BAIAP2: variants seen among roughly 807,000 people sequenced by gnomAD.
The protein encoded by BAIAP2 is BAR/IMD domain containing adaptor protein 2.
BAIAP2 carries 18 observed loss-of-function variants against 63.0 expected under a neutral mutation model. The ratio of observed to expected loss-of-function variants is 0.29; its 90% CI spans 0.20 to 0.42. The LOEUF (loss-of-function observed/expected upper bound fraction) is 0.42. BAIAP2 is among the 10% of genes least tolerant of loss of function. The probability of loss-of-function intolerance (pLI) is 1.00; values close to 1 mark genes in which losing one functional copy is unlikely to be tolerated. For synonymous variants in BAIAP2, 386 were observed against 307.6 expected (o/e 1.25, Z -2.67); for missense variants, 610 against 734.3 (o/e 0.83, Z 1.96).
At chr17:81,112,486 C>A (rs1410028909) in intron 13 of BAIAP2, among the ~76,000 whole-genome samples, 1 of 152,194 alleles carries the variant, frequency 6.6e-6, no homozygotes, top group South Asian at 2.1e-4. Flanking sequence ...CAGCTTTGGG[C>A]CCTGGGAAGG....
rs887098127 is a variant in BAIAP2 at position 81,104,444 on chromosome 17, A to G, written c.1067-70A>G. 3.1e-5 allele frequency: 46 copies of G among 1,495,690 alleles called. No individual in the cohort carries two copies. The South Asian group carries it at 4.9e-4, about 16-fold the overall frequency. 92.7% of individuals were successfully genotyped at this position (1,495,690 alleles called of 1,614,324 possible). ...AGGCGGCTGTGCTCTCAGCACCTCA[A>G]CCAGACTCCCTGGGCTTTGCTGCCC... On this transcript the variant is annotated intron_variant, in intron 9 of 13. Transcript: ENST00000428708.
chr17:81,091,268 G>T (rs150827688), intron 6 of BAIAP2, among the ~76,000 whole-genome samples: 1 of 149,958 alleles, frequency 6.7e-6, no homozygotes, highest in African/African-American at 2.5e-5. Flanking sequence ...ACTGTCCTGG[G>T]GCCTAGGTTG....
At chr17:81,037,318 C>T (rs1408202579) in intron 1 of BAIAP2, among the ~76,000 whole-genome samples, 9 of 152,260 alleles carry the variant, frequency 5.9e-5, no homozygotes, top group Non-Finnish European at 7.3e-5. Context: ...TCTGGAAAGG[C>T]TTTGCCCTGG....
intron 13 of BAIAP2, chr17:81,110,003 G>T (rs1047783615): frequency 1.6e-5 from 16 of 985,366 alleles, no homozygotes; most frequent in Non-Finnish European, 1.9e-5. Flanking sequence ...TCGTCTTTTT[G>T]TGTGTCTTGG....
intron 1 of BAIAP2, among the ~76,000 whole-genome samples, chr17:81,052,154 C>T (rs1568078349): frequency 6.6e-6 from 1 of 152,226 alleles, no homozygotes. Context: ...TTCCCAGGAA[C>T]TCACCATGGG....
At chr17:81,095,919 T>C (rs1337919179) in intron 6 of BAIAP2, among the ~76,000 whole-genome samples, 1 of 152,034 alleles carries the variant, frequency 6.6e-6, no homozygotes, top group Admixed American at 6.5e-5. Context: ...CTCGCTGTAC[T>C]CTCCCCTGGG....
intron 3 of BAIAP2, among the ~76,000 whole-genome samples, chr17:81,059,096 C>T (rs1252616260): frequency 1.3e-5 from 2 of 152,190 alleles, no homozygotes; most frequent in African/African-American, 4.8e-5. Context: ...GGCCGCACTT[C>T]GCAGCCCCCT....
Position 81,117,230 on chromosome 17 carries a change from C to T in BAIAP2, c.*1391C>T, listed in dbSNP as rs768422545. On this transcript the variant is annotated 3_prime_UTR_variant, in exon 14 of 14. Coordinates refer to ENST00000428708, the MANE Select transcript of BAIAP2 (RefSeq NM_001144888.2). ...CCCCAGGAAGGGCTGGCATCGGGTT[C>T]CTGGCACAGCCCCTCCTGTCCAGGA... The T allele has an allele frequency of 6.6e-6, 1 of 152,224 alleles. No homozygotes were observed. Among genetic ancestry groups the T allele is most frequent in the African/African-American group, 2.4e-5 (1 of 41,458 alleles). 9.4% of individuals were successfully genotyped at this position (152,224 alleles called of 1,614,324 possible).
intron 6 of BAIAP2, among the ~76,000 whole-genome samples, chr17:81,096,965 G>C (rs2057729926): frequency 6.6e-6 from 1 of 152,152 alleles, no homozygotes; most frequent in African/African-American, 2.4e-5. Context: ...AGGAGGAGAA[G>C]AAGGAGAAAG....
At chr17:81,037,648 C>T (rs911011939) in intron 1 of BAIAP2, among the ~76,000 whole-genome samples, 3 of 152,266 alleles carry the variant, frequency 2.0e-5, no homozygotes, top group African/African-American at 2.4e-5. Flanking sequence ...TCTGGCATCC[C>T]TTCCCGGGGC....
At chr17:81,041,545 T>C (rs536480130) in intron 1 of BAIAP2, among the ~76,000 whole-genome samples, 1 of 152,264 alleles carries the variant, frequency 6.6e-6, no homozygotes, top group South Asian at 2.1e-4. Flanking sequence ...TTTTTTCGTT[T>C]TTTGTTTGTT....
At chr17:81,106,049 G>A (rs758634434) in intron 10 of BAIAP2, 29 bp from the exon 11 acceptor site, 56 of 1,557,216 alleles carry the variant, frequency 3.6e-5, no homozygotes, top group Middle Eastern at 1.7e-4. Flanking sequence ...TGGGCTGAGC[G>A]TGGCTCTTAC....
chr17:81,098,109 T>C, intron 6 of BAIAP2: 1 of 1,381,866 alleles, frequency 7.2e-7, no homozygotes, highest in Non-Finnish European at 9.4e-7. Flanking sequence ...CAGCGGGGGG[T>C]GGGGAGGCAT....
At chr17:81,090,592 CAGAG>C (rs747782360) in intron 6 of BAIAP2, among the ~76,000 whole-genome samples, 3 of 152,356 alleles carry the variant, frequency 2.0e-5, no homozygotes, top group East Asian at 1.9e-4. Context: ...GGGTGGGAAA[CAGAG>C]GGAGCCACAC....
In BAIAP2 at chr17:81,103,577, G is replaced by A. The variant is rs201786144; in HGVS notation, c.718G>A (p.Ala240Thr). The change falls in exon 8 of 14, where the codon GCG (alanine) becomes ACG (threonine). Residue 240 changes from alanine to threonine, a missense_variant. This residue lies in a region of BAIAP2 where 389 missense variants were observed against 455.6 expected (regional missense o/e 0.85). Transcript: ENST00000428708. ...CADPSKIPER[A>T]VQLMQQVASN... Reference sequence around the variant, plus strand: ...CGACCCCAGCAAGATCCCGGAGCGCGCGGTGCAGCTCATGCAGCAGGTGGC... The same window carrying A: ...CGACCCCAGCAAGATCCCGGAGCGCACGGTGCAGCTCATGCAGCAGGTGGC... 182 of 1,603,432 alleles carry A rather than the reference G, an allele frequency of 1.1e-4. No individual in the cohort carries two copies. Among genetic ancestry groups the A allele is most frequent in the Middle Eastern group, 1.6e-4 (1 of 6,080 alleles).
At chr17:81,108,281 ATTACT>A in intron 12 of BAIAP2, 189 bp from the exon 13 acceptor site, 1 of 619,944 alleles carries the variant, frequency 1.6e-6, no homozygotes, top group Non-Finnish European at 2.8e-6. Context: ...TTGGGCAGTC[ATTACT>A]TTACCACTGG....
rs1279455983 is a variant in BAIAP2 at position 81,111,075 on chromosome 17, G to A, written c.1535+2566G>A. The A allele has an allele frequency of 4.7e-6, 6 of 1,274,542 alleles. No individual in the cohort carries two copies. The East Asian group carries it at 7.2e-5, about 15-fold the overall frequency. The allele number at this position is 1,274,542 out of a possible 1,614,324, so 79.0% of individuals were successfully genotyped here. On this transcript the variant is annotated intron_variant, in intron 13 of 13. Coordinates refer to ENST00000428708, the MANE Select transcript of BAIAP2 (RefSeq NM_001144888.2). ...GGGCCCGGCTGCATGGCGGGGCCAG[G>A]GGTCCACTGAGCCTGCCTCTCACTC...
intron 3 of BAIAP2, among the ~76,000 whole-genome samples, chr17:81,060,838 C>T (rs1391231216): frequency 1.3e-5 from 2 of 152,128 alleles, no homozygotes; most frequent in Admixed American, 1.3e-4. Flanking sequence ...CTACCTCCAA[C>T]AGGGCCGGGC....
At chr17:81,098,535 C>T (rs923198162) in intron 6 of BAIAP2, among the ~76,000 whole-genome samples, 10 of 152,160 alleles carry the variant, frequency 6.6e-5, no homozygotes, top group African/African-American at 1.9e-4. Context: ...GTGCGATCAC[C>T]ACCACCATCC....
Sources: gnomAD v4.1 joint callset for allele counts (sites outside exome capture counted in the v4.1 genomes callset) on GRCh38, gnomAD v4.1.1 for gene constraint, gnomAD v4.1.1 regional missense constraint, MANE v1.5 for transcripts, NCBI Gene and HGNC (gene_info 2026-07-23, HGNC 2026-07-21) for gene names.